MLC1: variants seen among roughly 807,000 people sequenced by gnomAD.
The protein encoded by MLC1 is modulator of VRAC current 1.
In MLC1, 32 loss-of-function variants were observed where a neutral mutation model predicts 44.7. That is an observed-to-expected ratio of 0.72 (90% CI 0.54 to 0.96). The LOEUF (loss-of-function observed/expected upper bound fraction) is 0.96. Ranked by LOEUF, MLC1 falls within the 40% of genes least tolerant of loss-of-function variation. MLC1 has a pLI of 0.00. For missense variants in MLC1, 459 were observed against 492.2 expected, an observed-to-expected ratio of 0.93 and a Z score of 0.64; for synonymous variants, 190 against 213.0, an observed-to-expected ratio of 0.89 and a Z score of 0.94.
chr22:50,079,338 C>T (rs568328858), intron 5 of MLC1, among the ~76,000 whole-genome samples: 3 of 151,700 alleles, frequency 2.0e-5, no homozygotes, highest in African/African-American at 7.3e-5. Flanking sequence ...ACTGGGTCCT[C>T]CTGTGTCTGC....
intron 8 of MLC1, among the ~76,000 whole-genome samples, chr22:50,072,037 G>A (rs932472871): frequency 2.6e-5 from 4 of 152,230 alleles, no homozygotes; most frequent in Admixed American, 1.3e-4. Context: ...CCTGGCCAGG[G>A]AGGCTGAGGT....
At chr22:50,068,325 C>G in intron 10 of MLC1, 108 bp downstream of exon 10, 1 of 1,477,100 alleles carries the variant, frequency 6.8e-7, no homozygotes, top group Non-Finnish European at 9.3e-7. Flanking sequence ...CCTCCTGGAG[C>G]TGTCCCTGGA....
intron 10 of MLC1, among the ~76,000 whole-genome samples, 169 bp downstream of exon 10, chr22:50,068,264 G>C (rs933991620): frequency 7.2e-5 from 11 of 152,248 alleles, no homozygotes; most frequent in Non-Finnish European, 1.3e-4. Flanking sequence ...CTGGGGCCAG[G>C]CTGGCATTGG....
intron 11 of MLC1, among the ~76,000 whole-genome samples, chr22:50,061,946 G>A (rs183916737): frequency 6.6e-5 from 10 of 152,184 alleles, no homozygotes; most frequent in South Asian, 2.1e-4. Flanking sequence ...GGCGGGGAGC[G>A]GGGGGAGGCC....
chr22:50,081,453 C>T (rs1301504332), intron 3 of MLC1, among the ~76,000 whole-genome samples: 1 of 148,810 alleles, frequency 6.7e-6, no homozygotes, highest in Non-Finnish European at 1.5e-5. Flanking sequence ...CCTTCTTGTC[C>T]TCAGCCTTCT....
chr22:50,080,934 G>A (rs2062106460), intron 3 of MLC1, among the ~76,000 whole-genome samples: 1 of 151,536 alleles, frequency 6.6e-6, no homozygotes, highest in Non-Finnish European at 1.5e-5. Flanking sequence ...GAGCTGGGAG[G>A]ATCTCTTGAG....
At position 50,061,508 on chromosome 22, in the gene MLC1, A is replaced by C; in HGVS notation, c.*75T>G. 3 of 1,459,386 alleles carry C rather than the reference A, an allele frequency of 2.1e-6. No homozygotes were observed. The highest frequency in any genetic ancestry group is 2.9e-6 in the Non-Finnish European group (3 of 1,045,264). 90.4% of individuals were successfully genotyped at this position (1,459,386 alleles called of 1,614,324 possible). Reference sequence around the variant, plus strand: ...AAAGAGGTGTTAGAAGCAGTAGCTCAGGGCGATTAGGGGTTGTGCGTTTCC... The same window carrying C: ...AAAGAGGTGTTAGAAGCAGTAGCTCCGGGCGATTAGGGGTTGTGCGTTTCC... On this transcript the variant is annotated 3_prime_UTR_variant, in exon 12 of 12. Coordinates refer to ENST00000311597, the MANE Select transcript of MLC1 (RefSeq NM_015166.4).
At chr22:50,069,899 C>T (rs897371609) in intron 9 of MLC1, among the ~76,000 whole-genome samples, 3 of 151,956 alleles carry the variant, frequency 2.0e-5, no homozygotes, top group Non-Finnish European at 4.4e-5. Flanking sequence ...CAATTGTTTG[C>T]GGTCAGTTTG....
rs1379686848 is a variant in MLC1 at position 50,076,849 on chromosome 22, A to G, written c.589T>C (p.Ser197Pro). 6.2e-6 allele frequency: 10 copies of G among 1,613,910 alleles called. No homozygotes were observed. The highest frequency in any genetic ancestry group is 8.5e-6 in the Non-Finnish European group (10 of 1,179,836). ...AAGGGAAGTTTTCTTACTGAGTAAG[A>G]TTTCAGGACCCGAGCAGGAAATGGC... ...EVPFPARVLK[S>P]YSVVEVIAGI... Residue 197 changes from serine to proline, a missense_variant, in exon 7 of 12, where the codon TCT (serine) becomes CCT (proline). Physicochemically the swap from Ser to Pro is moderately conservative, Grantham distance 74. Coordinates refer to ENST00000311597, the MANE Select transcript of MLC1 (RefSeq NM_015166.4).
intron 5 of MLC1, 91 bp from the exon 6 acceptor site, chr22:50,077,593 G>T: frequency 9.6e-7 from 1 of 1,045,640 alleles, no homozygotes. Context: ...CGGGCAGGCT[G>T]CGCAGGACTC....
chr22:50,080,475 T>G, intron 3 of MLC1, 78 bp from the exon 4 acceptor site: 12 of 1,383,738 alleles, frequency 8.7e-6, no homozygotes, highest in Non-Finnish European at 1.2e-5. Context: ...ACATTTGCGC[T>G]TCCAGAAGGA....
chr22:50,063,277 A>G (rs1391834965), intron 11 of MLC1, among the ~76,000 whole-genome samples: 1 of 152,102 alleles, frequency 6.6e-6, no homozygotes, highest in African/African-American at 2.4e-5. Context: ...GTTCGAGACC[A>G]GTCTAACCAA....
chr22:50,064,229 G>A lies in MLC1; in HGVS notation c.895-31C>T, dbSNP rs1335295745. 4 of 1,564,660 alleles carry A rather than the reference G, an allele frequency of 2.6e-6. No homozygotes were observed. The East Asian group carries it at 9.2e-5, about 36-fold the overall frequency. ...GGCGGAAGGAGGTGTGAGCAGAGTG[G>A]CCCAGCCGCCCTCCAGCCCAGGAGA... On this transcript the variant is annotated intron_variant, in intron 10 of 11. Transcript: ENST00000311597.
At position 50,084,784 on chromosome 22, in the gene MLC1, G is replaced by C. The variant is rs2033708755; in HGVS notation, c.119C>G (p.Ser40Trp). The part of the protein sequence containing the change: ...PDAKPSDLQL[S>W]KRLPPCFSHK... ...GCTGAAGCAGGGGGGCAGTCTCTTC[G>C]ACAGCTGCAGGTCGCTCGGCTTCGC... The change falls in exon 2 of 12, where the codon TCG becomes TGG. Residue 40 changes from serine to tryptophan, a missense_variant. Coordinates refer to ENST00000311597, the MANE Select transcript of MLC1 (RefSeq NM_015166.4). 2 of 1,614,124 alleles carry C rather than the reference G, an allele frequency of 1.2e-6. No homozygotes were observed. Among genetic ancestry groups the C allele is most frequent in the Non-Finnish European group, 1.7e-6 (2 of 1,180,048 alleles).
chr22:50,063,017 G>A (rs1474233785), intron 11 of MLC1, among the ~76,000 whole-genome samples: 1 of 152,192 alleles, frequency 6.6e-6, no homozygotes, highest in Non-Finnish European at 1.5e-5. Flanking sequence ...CTTCCCTGCA[G>A]AACCGCGTCC....
intron 10 of MLC1, among the ~76,000 whole-genome samples, chr22:50,065,724 A>G (rs2061687966): frequency 6.6e-6 from 1 of 152,202 alleles, no homozygotes; most frequent in African/African-American, 2.4e-5. Context: ...CCTTCACGCC[A>G]TTGGCAGGAG....
chr22:50,075,487 G>A lies in MLC1; in HGVS notation c.598-1155C>T, dbSNP rs957378733. Among the ~76,000 whole-genome samples, 20 of 152,140 alleles carry A rather than the reference G, an allele frequency of 1.3e-4. 1 individual carries two copies. The South Asian group carries it at 1.5e-3, about 11-fold the overall frequency. ...AGCACTTTGGGAGGCCGAGGCAGAC[G>A]GATCGTGAGGTCAGGAGTTTGAGTA... On this transcript the variant is annotated intron_variant, in intron 7 of 11. Transcript: ENST00000311597.
At chr22:50,080,535 G>T in intron 3 of MLC1, 138 bp from the exon 4 acceptor site, 1 of 966,742 alleles carries the variant, frequency 1.0e-6, no homozygotes, top group Non-Finnish European at 1.6e-6. Context: ...AACACAGTGG[G>T]TTGGCTTGAC....
intron 4 of MLC1, 44 bp downstream of exon 4, chr22:50,080,300 T>C (rs1266076234): frequency 1.3e-6 from 2 of 1,577,360 alleles, no homozygotes; most frequent in East Asian, 4.6e-5. Flanking sequence ...TGTCAGCCCC[T>C]CCGGCTTTCT....
Sources: allele counts gnomAD v4.1 joint callset (sites outside exome capture counted in the v4.1 genomes callset), GRCh38; gene constraint gnomAD v4.1.1; transcripts MANE v1.5; gene names NCBI Gene and HGNC (gene_info 2026-07-23, HGNC 2026-07-21).